Variants in ZGRF1 observed in about 807,000 individuals in gnomAD.
The protein encoded by ZGRF1 is zinc finger GRF-type containing 1.
In ZGRF1, 196 loss-of-function variants were observed where a neutral mutation model predicts 203.5. That is an observed-to-expected ratio of 0.96 (90% confidence interval 0.86 to 1.08). The LOEUF is 1.08. ZGRF1 is among the 50% of genes least tolerant of loss of function. The pLI is 0.00. For synonymous variants in ZGRF1, 809 were observed against 841.3 expected, an observed-to-expected ratio of 0.96 and a Z score of 0.66; for missense variants, 2,326 against 2,416.3, an observed-to-expected ratio of 0.96 and a Z score of 0.78.
At chr4:112,564,254 C>T (rs1025859399) in intron 16 of ZGRF1, among the ~76,000 whole-genome samples, 1 of 152,174 alleles carries the variant, frequency 6.6e-6, no homozygotes, top group East Asian at 1.9e-4. Flanking sequence ...GAAAGCTGAC[C>T]TTCCTCCTCT....
At position 112,617,854 on chromosome 4, in the gene ZGRF1, A is replaced by T. The variant is rs1341370454; in HGVS notation, c.2188T>A (p.Ser730Thr). The change falls in exon 6 of 28, where the codon TCA (serine) becomes ACA (threonine). Residue 730 changes from serine to threonine, a missense_variant. Coordinates refer to ENST00000505019, the MANE Select transcript of ZGRF1 (RefSeq NM_018392.5). ...LDKNDEHVLP[S>T]TSSSDNSVQL... ...ACACTGTTGTCACTACTAGAAGTTG[A>T]GGGTAAAACATGTTCATCATTTTTG... The T allele has an allele frequency of 6.2e-7, 1 of 1,613,902 alleles. No individual in the cohort carries two copies. Among genetic ancestry groups the T allele is most frequent in the African/African-American group, 1.3e-5 (1 of 74,920 alleles).
chr4:112,562,335 T>TC, intron 18 of ZGRF1, 36 bp downstream of exon 18: 1 of 1,114,140 alleles, frequency 9.0e-7, no homozygotes, highest in Middle Eastern at 2.0e-4. Context: ...TTACCATTTT[T>TC]TAATACCAAT....
chr4:112,590,970 T>TTA lies in ZGRF1; in HGVS notation c.2977-1098_2977-1097dup, dbSNP rs779025585. Among the ~76,000 whole-genome samples, 45 of 150,954 alleles carry TTA rather than the reference T, an allele frequency of 3.0e-4. No homozygotes were observed. The East Asian group carries it at 5.2e-3, about 18-fold the overall frequency. ...CAATAAAGATTCAAAGTTTATAAGC[T>TTA]TATATATATATTTTACAACATTTTC... On this transcript the variant is annotated intron_variant, in intron 10 of 27. Transcript: ENST00000505019.
Position 112,541,191 on chromosome 4 carries a change from G to A in ZGRF1, c.5676C>T (p.Tyr1892=). 6.2e-7 allele frequency: 1 copy of A among 1,612,298 alleles called. No individual in the cohort carries two copies. Residue 1892 remains tyrosine (Y), a synonymous_variant, in exon 25 of 28, where the codon TAC becomes TAT. Transcript: ENST00000505019. ...TTACACCATTCATGAGGGCTCCTTT[G>A]TAAAACAGATCATTAGCAATAGCAC... ...AISAIANDLF[Y]KGALMNGVTE... is the part of the protein sequence containing the mutation.
In ZGRF1 at chr4:112,548,283, G is replaced by C; in HGVS notation, c.5444C>G (p.Thr1815Ser). The part of the protein sequence containing the change: ...VVVLDECSQI[T>S]EPASLLPIAR... ...AATGGGAAGGAGAGAGGCCGGTTCA[G>C]TTATCTGACTACACTCATCCAGCAC... Residue 1815 changes from threonine to serine, a missense_variant, in exon 23 of 28, where the codon ACT (threonine) becomes AGT (serine). By Grantham distance (58) the Thr-to-Ser change is moderately conservative (BLOSUM62 1). Transcript: ENST00000505019. 1 of 1,552,288 alleles carries C rather than the reference G, an allele frequency of 6.4e-7. No homozygotes were observed. The highest frequency in any genetic ancestry group is 8.7e-7 in the Non-Finnish European group (1 of 1,147,112).
At chr4:112,561,349 C>T (rs572181689) in intron 18 of ZGRF1, 3 of 212,014 alleles carry the variant, frequency 1.4e-5, no homozygotes, top group East Asian at 1.1e-4. Context: ...AAATAAGTGG[C>T]GGACTGACTT....
chr4:112,556,833 CTT>C (rs761703062), intron 20 of ZGRF1, among the ~76,000 whole-genome samples: 1 of 152,046 alleles, frequency 6.6e-6, no homozygotes, highest in Non-Finnish European at 1.5e-5. Context: ...TAAGTATTAA[CTT>C]ATATAATTAT....
intron 7 of ZGRF1, chr4:112,610,991 G>A: frequency 3.9e-6 from 1 of 254,902 alleles, no homozygotes; most frequent in Non-Finnish European, 7.7e-6. Context: ...GAGAGGCAGG[G>A]TAGGTTTTAT....
intron 16 of ZGRF1, chr4:112,565,207 G>A: frequency 6.3e-7 from 1 of 1,586,614 alleles, no homozygotes; most frequent in Non-Finnish European, 8.6e-7. Context: ...TCTGGTGCGA[G>A]AAATTGCTCA....
chr4:112,550,135 T>C (rs575002456), intron 22 of ZGRF1, among the ~76,000 whole-genome samples: 31 of 151,794 alleles, frequency 2.0e-4, no homozygotes, highest in African/African-American at 7.5e-4. Context: ...GAGCTTGCAG[T>C]GAGCCAAGAT....
intron 9 of ZGRF1, among the ~76,000 whole-genome samples, chr4:112,604,658 C>T (rs1029294229): frequency 3.3e-5 from 5 of 152,202 alleles, no homozygotes; most frequent in Non-Finnish European, 5.9e-5. Flanking sequence ...CTCTGCCTCT[C>T]AGTAGAAAGA....
At chr4:112,550,552 G>A (rs1055997894) in intron 22 of ZGRF1, among the ~76,000 whole-genome samples, 2 of 151,918 alleles carry the variant, frequency 1.3e-5, no homozygotes, top group Admixed American at 1.3e-4. Context: ...ACTGTACAGC[G>A]TTTATAAAGT....
chr4:112,634,287 T>C (rs968039024), intron 1 of ZGRF1, among the ~76,000 whole-genome samples: 4 of 152,032 alleles, frequency 2.6e-5, no homozygotes, highest in Non-Finnish European at 4.4e-5. Flanking sequence ...GTGTGGATCA[T>C]CAAACAAGGC....
Position 112,539,523 on chromosome 4 carries a change from A to G in ZGRF1, c.*24T>C, listed in dbSNP as rs922899202. ...AAAATGAGTCTGAATTTACATAAAT[A>G]CAAAATATTTACACCATGTCTTTTT... On this transcript the variant is annotated 3_prime_UTR_variant, in exon 28 of 28. Transcript: ENST00000505019. 1.8e-6 allele frequency: 2 copies of G among 1,141,506 alleles called. No homozygotes were observed. Among genetic ancestry groups the G allele is most frequent in the Non-Finnish European group, 2.5e-6 (2 of 790,572 alleles). The allele number at this position is 1,141,506 out of a possible 1,614,324, so 70.7% of individuals were successfully genotyped here. A position where few individuals can be genotyped will look rare whatever the true frequency, so the allele number is the denominator to read the frequency against.
intron 16 of ZGRF1, among the ~76,000 whole-genome samples, chr4:112,580,426 T>A: frequency 6.8e-6 from 1 of 146,858 alleles, no homozygotes. Flanking sequence ...AATTGACAAA[T>A]GGGATCTAAT....
intron 20 of ZGRF1, among the ~76,000 whole-genome samples, chr4:112,556,252 TAC>T (rs1199166397): frequency 5.9e-5 from 9 of 152,214 alleles, no homozygotes; most frequent in African/African-American, 2.2e-4. Flanking sequence ...CAGAAATGGA[TAC>T]AGAGTTTTAT....
chr4:112,553,959 T>A lies in ZGRF1; in HGVS notation c.5222A>T (p.Glu1741Val). 6.2e-7 allele frequency: 1 copy of A among 1,609,180 alleles called. No homozygotes were observed. Among genetic ancestry groups the A allele is most frequent in the Non-Finnish European group, 8.5e-7 (1 of 1,178,800 alleles). Reference sequence around the variant, plus strand: ...ATGTAGTTCTTTTAACTGTTCACTTTCATTTTCTGAGCCAGCATGCAAGCT... The same window carrying A: ...ATGTAGTTCTTTTAACTGTTCACTTACATTTTCTGAGCCAGCATGCAAGCT... ...PYSLHAGSEN[E>V]SEQLKELHAL... is the part of the protein sequence containing the mutation. The change falls in exon 22 of 28, where the codon GAA becomes GTA. Residue 1741 changes from glutamate (E) to valine (V), a missense_variant. Coordinates refer to ENST00000505019, the MANE Select transcript of ZGRF1 (RefSeq NM_018392.5).
intron 7 of ZGRF1, 114 bp from the exon 8 acceptor site, chr4:112,609,543 C>T: frequency 5.4e-6 from 2 of 371,194 alleles, no homozygotes; most frequent in Non-Finnish European, 5.1e-6. Flanking sequence ...TGGTGGCTCA[C>T]ACCTGTAATC....
At chr4:112,565,724 C>A (rs1192719504) in intron 16 of ZGRF1, among the ~76,000 whole-genome samples, 15 of 152,126 alleles carry the variant, frequency 9.9e-5, no homozygotes, top group Non-Finnish European at 2.1e-4. Flanking sequence ...GACATTTATG[C>A]AGCCAAAAAA....
Sources: gnomAD v4.1 joint callset for allele counts (sites outside exome capture counted in the v4.1 genomes callset) on GRCh38, gnomAD v4.1.1 for gene constraint, MANE v1.5 for transcripts, NCBI Gene and HGNC (gene_info 2026-07-23, HGNC 2026-07-21) for gene names.